Variants in KCNIP4 observed in about 807,000 individuals in gnomAD.
The protein encoded by KCNIP4 is Kv channel-interacting protein 4.
In KCNIP4, 12 loss-of-function variants were observed where a neutral mutation model predicts 34.0. The observed-to-expected ratio is 0.35, with a 90% CI of 0.23 to 0.57. KCNIP4 has a LOEUF of 0.57. Among genes scored for constraint, KCNIP4 ranks in the 20% least tolerant of loss-of-function variants. The probability of loss-of-function intolerance (pLI) is 0.83; values close to 1 mark genes in which losing one functional copy is unlikely to be tolerated. For synonymous variants in KCNIP4, 124 were observed against 102.2 expected, an observed-to-expected ratio of 1.21 and a Z score of -1.29; for missense variants, 238 against 311.7, an observed-to-expected ratio of 0.76 and a Z score of 1.78.
intron 1 of KCNIP4, among the ~76,000 whole-genome samples, chr4:21,265,678 G>C (rs1761758922): frequency 6.6e-6 from 1 of 152,150 alleles, no homozygotes; most frequent in South Asian, 2.1e-4. Context: ...CAAAGAGATA[G>C]AATCATAATG....
chr4:21,363,399 G>T (rs116148538), intron 1 of KCNIP4, among the ~76,000 whole-genome samples: 1 of 152,012 alleles, frequency 6.6e-6, no homozygotes, highest in East Asian at 1.9e-4. Flanking sequence ...GCCTCACAGG[G>T]GTTTATCCTT....
At chr4:21,426,037 G>A (rs1725904628) in intron 1 of KCNIP4, among the ~76,000 whole-genome samples, 1 of 152,120 alleles carries the variant, frequency 6.6e-6, no homozygotes, top group African/African-American at 2.4e-5. Flanking sequence ...CAGCCTGGGC[G>A]ACAGAGTGAG....
At chr4:21,253,167 G>A (rs150922019) in intron 1 of KCNIP4, among the ~76,000 whole-genome samples, 1 of 152,162 alleles carries the variant, frequency 6.6e-6, no homozygotes, top group East Asian at 1.9e-4. Flanking sequence ...AATTTCTACG[G>A]CAATTTCTTT....
intron 3 of KCNIP4, among the ~76,000 whole-genome samples, chr4:20,818,543 G>A (rs747375643): frequency 2.0e-5 from 3 of 152,090 alleles, no homozygotes; most frequent in East Asian, 1.9e-4. Context: ...CAAACCTCCC[G>A]ACAGAAGCGC....
intron 1 of KCNIP4, among the ~76,000 whole-genome samples, chr4:21,362,436 G>C (rs1243657790): frequency 6.6e-6 from 1 of 152,106 alleles, no homozygotes; most frequent in Non-Finnish European, 1.5e-5. Flanking sequence ...TGCAAAACTA[G>C]TGGTATTAGA....
intron 1 of KCNIP4, among the ~76,000 whole-genome samples, chr4:21,152,248 G>A (rs1000570550): frequency 9.2e-5 from 14 of 152,152 alleles, no homozygotes; most frequent in East Asian, 5.8e-4. Flanking sequence ...GCTAGACTCC[G>A]TTTCAAAATA....
At chr4:21,121,489 T>C (rs1750151293) in intron 1 of KCNIP4, among the ~76,000 whole-genome samples, 1 of 152,244 alleles carries the variant, frequency 6.6e-6, no homozygotes, top group African/African-American at 2.4e-5. Context: ...TAAGAATCTT[T>C]TGTCTTAGAA....
chr4:20,804,905 T>A (rs1056809152), intron 3 of KCNIP4, among the ~76,000 whole-genome samples: 2 of 152,184 alleles, frequency 1.3e-5, no homozygotes, highest in African/African-American at 4.8e-5. Context: ...GCTTCCTCTG[T>A]GTGGTGGTAA....
intron 3 of KCNIP4, among the ~76,000 whole-genome samples, chr4:20,768,267 A>G (rs184538559): frequency 6.6e-6 from 1 of 152,140 alleles, no homozygotes; most frequent in South Asian, 2.1e-4. Flanking sequence ...TGCTCTGATA[A>G]TGTCCTTCAA....
chr4:21,797,308 T>C (rs1187544268), intron 1 of KCNIP4, among the ~76,000 whole-genome samples: 1 of 152,046 alleles, frequency 6.6e-6, no homozygotes, highest in East Asian at 1.9e-4. Flanking sequence ...GCCCAAGTTA[T>C]TTAATTAATT....
intron 5 of KCNIP4, among the ~76,000 whole-genome samples, chr4:20,745,160 T>A (rs1015710371): frequency 1.3e-4 from 20 of 152,150 alleles, no homozygotes; most frequent in Non-Finnish European, 2.4e-4. Flanking sequence ...CACCCTTAGG[T>A]TGTAGCCAGC....
intron 3 of KCNIP4, among the ~76,000 whole-genome samples, chr4:20,837,502 C>G (rs563687948): frequency 6.6e-6 from 1 of 151,980 alleles, no homozygotes; most frequent in Non-Finnish European, 1.5e-5. Flanking sequence ...CAGCAATGTA[C>G]AGTGATGAAT....
At chr4:21,801,226 G>A (rs1441423694) in intron 1 of KCNIP4, among the ~76,000 whole-genome samples, 1 of 152,112 alleles carries the variant, frequency 6.6e-6, no homozygotes, top group Non-Finnish European at 1.5e-5. Context: ...TATTTGACAC[G>A]TAATCTTTTT....
chr4:21,571,481 C>G (rs1463304807), intron 1 of KCNIP4, among the ~76,000 whole-genome samples: 1 of 152,176 alleles, frequency 6.6e-6, no homozygotes, highest in East Asian at 1.9e-4. Flanking sequence ...GGCTCCTTAT[C>G]TTACACACAA....
intron 1 of KCNIP4, among the ~76,000 whole-genome samples, chr4:21,313,842 C>T (rs552140896): frequency 7.9e-5 from 12 of 152,314 alleles, no homozygotes; most frequent in East Asian, 1.9e-4. Flanking sequence ...CTCTGAACTA[C>T]GGTATTGTTT....
rs139400583 is a variant in KCNIP4, at chr4:20,971,699, G to C, written c.62-88990C>G. Among the ~76,000 whole-genome samples, 9 of 152,306 alleles carry C rather than the reference G, an allele frequency of 5.9e-5. No individual in the cohort carries two copies. In the East Asian group the frequency reaches 1.7e-3, roughly 29 times the overall value. On this transcript the variant is annotated intron_variant, in intron 1 of 8. Transcript: ENST00000382152. ...ACTGGCCTTAATGTTGTTGGCTGCTGCTGATCAAGGTGATAGTTGCTGAAG... is the reference window on the plus strand; with the variant it reads ...ACTGGCCTTAATGTTGTTGGCTGCTCCTGATCAAGGTGATAGTTGCTGAAG...
intron 2 of KCNIP4, among the ~76,000 whole-genome samples, chr4:20,874,347 TAC>T (rs1723780119): frequency 6.6e-6 from 1 of 152,198 alleles, no homozygotes; most frequent in Non-Finnish European, 1.5e-5. Flanking sequence ...CACAGCACTT[TAC>T]TTGTATTCGT....
intron 1 of KCNIP4, among the ~76,000 whole-genome samples, chr4:21,908,752 A>G (rs572751217): frequency 2.0e-5 from 3 of 152,286 alleles, no homozygotes; most frequent in African/African-American, 7.2e-5. Context: ...TTTTATTTCT[A>G]CAGTGTCTTA....
At chr4:21,573,374 T>G (rs530595880) in intron 1 of KCNIP4, among the ~76,000 whole-genome samples, 1 of 152,270 alleles carries the variant, frequency 6.6e-6, no homozygotes, top group East Asian at 1.9e-4. Flanking sequence ...TCTGTTTTCA[T>G]GCTCCCCATT....
Sources: gnomAD v4.1 joint callset for allele counts (sites outside exome capture counted in the v4.1 genomes callset) on GRCh38, gnomAD v4.1.1 for gene constraint, MANE v1.5 for transcripts, NCBI Gene and HGNC (gene_info 2026-07-23, HGNC 2026-07-21) for gene names.